The following FXN variants were observed in gnomAD, a reference collection of about 807,000 sequenced individuals.
FXN encodes the protein frataxin, mitochondrial.
In FXN, 14 loss-of-function variants were observed where a neutral mutation model predicts 22.4. The ratio of observed to expected loss-of-function variants is 0.62; its 90% CI spans 0.41 to 0.98. The LOEUF (loss-of-function observed/expected upper bound fraction) is 0.98, where lower values mean the gene tolerates loss of function less well. FXN is among the 50% of genes least tolerant of loss of function. The pLI, the probability that FXN is intolerant of heterozygous loss-of-function variation, is 0.00. For synonymous variants in FXN, 120 were observed against 114.1 expected (o/e 1.05, Z -0.33); for missense variants, 267 against 268.4 (o/e 0.99, Z 0.04).
At position 69,078,402 on chromosome 9, in the gene FXN, T is replaced by C; in HGVS notation, c.*5640T>C. 1 of 985,474 alleles carries C rather than the reference T, an allele frequency of 1.0e-6. No individual in the cohort carries two copies. Among genetic ancestry groups the C allele is most frequent in the Non-Finnish European group, 1.2e-6 (1 of 829,966 alleles). The allele number at this position is 985,474 out of a possible 1,614,324, so 61.0% of individuals were successfully genotyped here. A position where few individuals can be genotyped will look rare whatever the true frequency, so the allele number is the denominator to read the frequency against. On this transcript the variant is annotated 3_prime_UTR_variant, in exon 5 of 5. Transcript: ENST00000484259. ...TCCCCAGTGGAGGTCCTCATCATTT[T>C]TCACCTGCATTTTTGCAGGAGCTTT...
intron 1 of FXN, among the ~76,000 whole-genome samples, chr9:69,039,663 G>A (rs1831621056): frequency 6.6e-6 from 1 of 152,102 alleles, no homozygotes; most frequent in African/African-American, 2.4e-5. Context: ...ATGTGTCTTA[G>A]TCCATTTGAT....
At chr9:69,039,289 A>G (rs1831614681) in intron 1 of FXN, among the ~76,000 whole-genome samples, 1 of 151,956 alleles carries the variant, frequency 6.6e-6, no homozygotes, top group Admixed American at 6.6e-5. Flanking sequence ...TAACTTTATT[A>G]CTTTATTATC....
intron 3 of FXN, among the ~76,000 whole-genome samples, chr9:69,061,262 G>T (rs1220511716): frequency 6.6e-6 from 1 of 152,220 alleles, no homozygotes; most frequent in Non-Finnish European, 1.5e-5. Context: ...GGTGATGGAC[G>T]CAAGTGCGGA....
chr9:69,038,488 A>G (rs1433173959), intron 1 of FXN, among the ~76,000 whole-genome samples: 1 of 152,246 alleles, frequency 6.6e-6, no homozygotes, highest in East Asian at 1.9e-4. Context: ...TCAACCTAGT[A>G]CATACAAAAT....
Position 69,043,774 on chromosome 9 carries a change from G to A in FXN, c.166-2611G>A, listed in dbSNP as rs536617227. Among the ~76,000 whole-genome samples the A allele has an allele frequency of 3.9e-5, 6 of 152,254 alleles. No homozygotes were observed. The East Asian group carries it at 1.2e-3, about 29-fold the overall frequency. On this transcript the variant is annotated intron_variant, in intron 1 of 4. Coordinates refer to ENST00000484259, the MANE Select transcript of FXN (RefSeq NM_000144.5). ...AATTTTTGTGTTTTTAGTAGAGGCGGGGTTTCACCATGTTGGCCAGGCTAG... is the reference window on the plus strand; with the variant it reads ...AATTTTTGTGTTTTTAGTAGAGGCGAGGTTTCACCATGTTGGCCAGGCTAG...
chr9:69,036,540 C>A (rs1564326998), intron 1 of FXN, among the ~76,000 whole-genome samples: 2 of 152,162 alleles, frequency 1.3e-5, no homozygotes, highest in Admixed American at 6.5e-5. Context: ...ACTGACCCGA[C>A]CTTTATTCCA....
intron 3 of FXN, among the ~76,000 whole-genome samples, chr9:69,056,831 C>T (rs1225571782): frequency 7.2e-6 from 1 of 139,772 alleles, no homozygotes; most frequent in Non-Finnish European, 1.7e-5. Flanking sequence ...CAACCTCCAC[C>T]TCCTGGGTTC....
chr9:69,043,980 C>A (rs1360795195), intron 1 of FXN, among the ~76,000 whole-genome samples: 1 of 152,166 alleles, frequency 6.6e-6, no homozygotes, highest in Non-Finnish European at 1.5e-5. Flanking sequence ...ACCTTGGCCT[C>A]CCAAAGTGCG....
chr9:69,078,222 A>T lies in FXN; in HGVS notation c.*5460A>T, dbSNP rs1265572135. 1 of 983,894 alleles carries T rather than the reference A, an allele frequency of 1.0e-6. No individual in the cohort carries two copies. Among genetic ancestry groups the T allele is most frequent in the African/African-American group, 1.7e-5 (1 of 57,230 alleles). The allele number at this position is 983,894 out of a possible 1,614,324, so 60.9% of individuals were successfully genotyped here. ...CCAGGTGCCACTGTTGACAGAGATT[A>T]TAACTACAATGTGAAGTGAATGGTG... On this transcript the variant is annotated 3_prime_UTR_variant, in exon 5 of 5. Transcript: ENST00000484259.
In FXN at chr9:69,076,860, A is replaced by G. The variant is rs1381177714; in HGVS notation, c.*4098A>G. Reference sequence around the variant, plus strand: ...AGGAGGGGCAAAGTTTTGAAATTTCATGTAAATTTATGCTGTTCAAAACGA... The same window carrying G: ...AGGAGGGGCAAAGTTTTGAAATTTCGTGTAAATTTATGCTGTTCAAAACGA... On this transcript the variant is annotated 3_prime_UTR_variant, in exon 5 of 5. Coordinates refer to ENST00000484259, the MANE Select transcript of FXN (RefSeq NM_000144.5). The G allele has an allele frequency of 1.0e-6, 1 of 985,386 alleles. No homozygotes were observed. The highest frequency in any genetic ancestry group is 1.7e-5 in the African/African-American group (1 of 57,252). 61.0% of individuals were successfully genotyped at this position (985,386 alleles called of 1,614,324 possible).
chr9:69,076,728 C>A lies in FXN; in HGVS notation c.*3966C>A. ...TCGCTTTACGCTTCCAAGGTACACA[C>A]TAAGATGAAAGTAATTTTAGTCCGT... is the stretch of plus-strand genomic sequence containing the variant. On this transcript the variant is annotated 3_prime_UTR_variant, in exon 5 of 5. Transcript: ENST00000484259. The A allele has an allele frequency of 1.0e-6, 1 of 985,346 alleles. No homozygotes were observed. Among genetic ancestry groups the A allele is most frequent in the Non-Finnish European group, 1.2e-6 (1 of 829,932 alleles). The allele number at this position is 985,346 out of a possible 1,614,324, so 61.0% of individuals were successfully genotyped here.
chr9:69,040,066 G>A (rs960316286), intron 1 of FXN, among the ~76,000 whole-genome samples: 8 of 152,048 alleles, frequency 5.3e-5, no homozygotes, highest in Non-Finnish European at 7.4e-5. Context: ...CCGCTTAAAG[G>A]CCCCACCTCT....
chr9:69,068,496 C>T lies in FXN; in HGVS notation c.482+3461C>T, dbSNP rs181610742. On this transcript the variant is annotated intron_variant, in intron 4 of 4. Transcript: ENST00000484259. ...CCACTGGCAAGTGGAGGCAGAGCTG[C>T]AGAGCCCTCGGGAGCCACAGAGGGC... Among the ~76,000 whole-genome samples, 5 of 152,320 alleles carry T rather than the reference C, an allele frequency of 3.3e-5. No individual in the cohort carries two copies. The East Asian group carries it at 9.7e-4, about 29-fold the overall frequency.
rs1831873817 is a variant in FXN at position 69,052,592 on chromosome 9, G to T, written c.264-548G>T. ...GAGTCTCGCTCTGTCGCCCAGGCTG[G>T]AGTGCAGTGGCGCAATCTCGGCTCA... On this transcript the variant is annotated intron_variant, in intron 2 of 4. Coordinates refer to ENST00000484259, the MANE Select transcript of FXN (RefSeq NM_000144.5). Among the ~76,000 whole-genome samples the T allele has an allele frequency of 5.6e-5, 8 of 142,846 alleles. No homozygotes were observed. In the South Asian group the frequency reaches 1.8e-3, roughly 32 times the overall value. 93.7% of individuals were successfully genotyped at this position (142,846 alleles called of 152,430 possible). A position where few individuals can be genotyped will look rare whatever the true frequency, so the allele number is the denominator to read the frequency against.
chr9:69,057,148 A>G (rs966668092), intron 3 of FXN, among the ~76,000 whole-genome samples: 2 of 152,224 alleles, frequency 1.3e-5, no homozygotes, highest in Admixed American at 6.5e-5. Context: ...GGGAGGGAAT[A>G]GAACGAGTCC....
intron 4 of FXN, among the ~76,000 whole-genome samples, chr9:69,069,319 C>T (rs769221893): frequency 1.3e-5 from 2 of 152,064 alleles, no homozygotes; most frequent in African/African-American, 2.4e-5. Context: ...GAACTGAAAT[C>T]GTGCCACAGC....
intron 3 of FXN, among the ~76,000 whole-genome samples, chr9:69,064,026 A>G (rs1832122639): frequency 6.6e-6 from 1 of 152,194 alleles, no homozygotes; most frequent in South Asian, 2.1e-4. Context: ...AGAATCATTC[A>G]GAGCCTCTCG....
At chr9:69,039,235 G>A (rs374278258) in intron 1 of FXN, among the ~76,000 whole-genome samples, 4 of 150,230 alleles carry the variant, frequency 2.7e-5, no homozygotes, top group Non-Finnish European at 3.0e-5. Flanking sequence ...CAACCTGGGC[G>A]ACAGAGCGAG....
rs62570586 is a variant in FXN, at chr9:69,055,596, C to T, written c.384+2336C>T. On this transcript the variant is annotated intron_variant, in intron 3 of 4. Transcript: ENST00000484259. ...GCAACCTCTGCCTCCCAGGTTCAAG[C>T]GATTCTCCCGCCTCAACCTCCTGAG... Among the ~76,000 whole-genome samples, 111 of 148,392 alleles carry T rather than the reference C, an allele frequency of 7.5e-4. No individual in the cohort carries two copies. The Middle Eastern group carries it at 0.011, about 14-fold the overall frequency.
Sources: allele counts gnomAD v4.1 joint callset (sites outside exome capture counted in the v4.1 genomes callset), GRCh38; gene constraint gnomAD v4.1.1; transcripts MANE v1.5; gene names NCBI Gene and HGNC (gene_info 2026-07-23, HGNC 2026-07-21).